Variants in CEP63 observed in about 807,000 individuals in gnomAD.
CEP63 encodes centrosomal protein of 63 kDa.
In CEP63, 84 loss-of-function variants were observed where a neutral mutation model predicts 89.1. The ratio of observed to expected loss-of-function variants is 0.94; its 90% CI spans 0.79 to 1.13. The LOEUF is 1.13. CEP63 is among the 50% of genes most tolerant of loss of function. The pLI is 0.00. For synonymous variants in CEP63, 267 were observed against 272.5 expected, an observed-to-expected ratio of 0.98 and a Z score of 0.20; for missense variants, 838 against 813.3, an observed-to-expected ratio of 1.03 and a Z score of -0.37.
At chr3:134,765,425 C>G in the CEP63 span, among the ~76,000 whole-genome samples, 7 of 152,310 alleles carry the variant, frequency 4.6e-5, no homozygotes, top group African/African-American at 1.4e-4. Context: ...AGGGGAAGCA[C>G]AGGCTGCTCC....
At chr3:134,521,572 C>T (rs9855013) in intron 3 of CEP63, among the ~76,000 whole-genome samples, 100,176 of 152,000 alleles carry the variant, frequency 0.66, 33,406 homozygotes, top group East Asian at 0.81. Flanking sequence ...TTGTATTTTT[C>T]TCCTTGCTTA....
chr3:134,712,600 A>G, the CEP63 span, among the ~76,000 whole-genome samples: 2 of 151,846 alleles, frequency 1.3e-5, no homozygotes, highest in Non-Finnish European at 2.9e-5. Flanking sequence ...CTCTCCCTGG[A>G]TTCTCTGTTT....
In CEP63 at chr3:134,486,149, A is replaced by G. The variant is rs768684486; in HGVS notation, c.-79A>G. Reference sequence around the variant, plus strand: ...AGTGGGCGGAACAAACGCGCCGACTACAGAGGCTGGACGTAAGCTTAGCGG... The same window carrying G: ...AGTGGGCGGAACAAACGCGCCGACTGCAGAGGCTGGACGTAAGCTTAGCGG... On this transcript the variant is annotated 5_prime_UTR_variant, in exon 1 of 15. Coordinates refer to ENST00000675561, the MANE Select transcript of CEP63 (RefSeq NM_001353108.3). 8.1e-6 allele frequency: 8 copies of G among 985,478 alleles called. No homozygotes were observed. Among genetic ancestry groups the G allele is most frequent in the Non-Finnish European group, 9.6e-6 (8 of 830,046 alleles). 61.0% of individuals were successfully genotyped at this position (985,478 alleles called of 1,614,324 possible).
rs1467354281 is a variant in CEP63 at position 134,510,902 on chromosome 3, G to A, written c.222+3616G>A. 2 of 200,532 alleles carry A rather than the reference G, an allele frequency of 1.0e-5. 1 individual carries two copies. The highest frequency in any genetic ancestry group is 2.1e-5 in the Non-Finnish European group (2 of 97,490). The allele number at this position is 200,532 out of a possible 1,614,324, so 12.4% of individuals were successfully genotyped here. A position where few individuals can be genotyped will look rare whatever the true frequency, so the allele number is the denominator to read the frequency against. On this transcript the variant is annotated intron_variant, in intron 3 of 14. Coordinates refer to ENST00000675561, the MANE Select transcript of CEP63 (RefSeq NM_001353108.3). ...TCCAAGGCAGGCAGCACCCCCCCAA[G>A]AGGGAAGAGCCATCTCAGGAGGATG... is the stretch of plus-strand genomic sequence containing the variant.
chr3:134,726,483 C>A, the CEP63 span, among the ~76,000 whole-genome samples: 7,771 of 75,638 alleles, frequency 0.1, 315 homozygotes, highest in Middle Eastern at 0.21. Context: ...CACACACACA[C>A]ACACACACAC....
At chr3:134,572,971 A>G (rs1055964640) in intron 11 of CEP63, among the ~76,000 whole-genome samples, 4 of 152,148 alleles carry the variant, frequency 2.6e-5, no homozygotes, top group African/African-American at 9.7e-5. Context: ...GGAGATGGTT[A>G]TCTCAGTATG....
Position 134,545,826 on chromosome 3 carries a change from T to A in CEP63, c.789+7T>A. 1 of 1,592,510 alleles carries A rather than the reference T, an allele frequency of 6.3e-7. No individual in the cohort carries two copies. Among genetic ancestry groups the A allele is most frequent in the Non-Finnish European group, 8.6e-7 (1 of 1,162,662 alleles). On this transcript the variant is annotated splice_region_variant and intron_variant, in intron 7 of 14. Transcript: ENST00000675561. Reference sequence around the variant, plus strand: ...ATCTGAAAAACTATTAGAGGTATGTTTTAAAATCACTATAATTGGGGGAAG... The same window carrying A: ...ATCTGAAAAACTATTAGAGGTATGTATTAAAATCACTATAATTGGGGGAAG...
chr3:134,594,515 T>C, the CEP63 span, among the ~76,000 whole-genome samples: 1 of 151,746 alleles, frequency 6.6e-6, no homozygotes, highest in African/African-American at 2.4e-5. Context: ...ACTCCTCCCA[T>C]TGATTGGTTG....
At chr3:134,595,282 C>T in the CEP63 span, among the ~76,000 whole-genome samples, 5 of 152,106 alleles carry the variant, frequency 3.3e-5, no homozygotes, top group African/African-American at 7.2e-5. Flanking sequence ...TCCTTGCTGC[C>T]GCCATGAGAA....
At chr3:134,718,432 G>A in the CEP63 span, among the ~76,000 whole-genome samples, 2 of 152,106 alleles carry the variant, frequency 1.3e-5, no homozygotes, top group African/African-American at 4.8e-5. Flanking sequence ...ATCTATTTGT[G>A]TTTGATTTCT....
the CEP63 span, among the ~76,000 whole-genome samples, chr3:134,726,152 A>G: frequency 6.6e-6 from 1 of 152,258 alleles, no homozygotes; most frequent in African/African-American, 2.4e-5. Context: ...ATCTATTTTA[A>G]TTCAAAAGAT....
chr3:134,635,493 T>TTAA, the CEP63 span, among the ~76,000 whole-genome samples: 1 of 79,352 alleles, frequency 1.3e-5, no homozygotes, highest in African/African-American at 4.9e-5. Context: ...CGAGACTCTG[T>TTAA]AAAAAAAAAA....
intron 2 of CEP63, among the ~76,000 whole-genome samples, chr3:134,496,933 C>T (rs561298977): frequency 6.6e-5 from 10 of 152,266 alleles, no homozygotes; most frequent in Admixed American, 1.3e-4. Context: ...TCCCCCCCAG[C>T]ATTTGTTATA....
chr3:134,673,332 G>A, the CEP63 span, among the ~76,000 whole-genome samples: 13 of 152,162 alleles, frequency 8.5e-5, no homozygotes, highest in African/African-American at 2.9e-4. Flanking sequence ...GCCTCATATA[G>A]AAGCCATTGG....
intron 3 of CEP63, among the ~76,000 whole-genome samples, chr3:134,522,345 G>T (rs1227779864): frequency 6.6e-6 from 1 of 152,134 alleles, no homozygotes; most frequent in African/African-American, 2.4e-5. Context: ...GGTCAGACTG[G>T]CAAAGCGTTT....
the CEP63 span, among the ~76,000 whole-genome samples, chr3:134,697,826 A>T: frequency 2.6e-5 from 4 of 152,214 alleles, no homozygotes; most frequent in African/African-American, 7.2e-5. Context: ...AAATGACAAG[A>T]GTAACCGACA....
chr3:134,647,419 G>T, the CEP63 span: 1 of 1,590,450 alleles, frequency 6.3e-7, no homozygotes, highest in Non-Finnish European at 8.6e-7. Flanking sequence ...AGGTTGAAAG[G>T]AAAAAGAGAA....
chr3:134,751,976 C>T, the CEP63 span, among the ~76,000 whole-genome samples: 6 of 152,102 alleles, frequency 3.9e-5, no homozygotes, highest in South Asian at 2.1e-4. Context: ...GAAGATGGAG[C>T]TCCTTGTGGG....
the CEP63 span, among the ~76,000 whole-genome samples, chr3:134,753,121 C>T: frequency 6.6e-6 from 1 of 152,008 alleles, no homozygotes; most frequent in Non-Finnish European, 1.5e-5. Flanking sequence ...AGCAATTACT[C>T]GAGCCCATGA....
Sources: gnomAD v4.1 joint callset for allele counts (sites outside exome capture counted in the v4.1 genomes callset) on GRCh38, gnomAD v4.1.1 for gene constraint, MANE v1.5 for transcripts, NCBI Gene and HGNC (gene_info 2026-07-23, HGNC 2026-07-21) for gene names.